SESTD1: variants seen among roughly 807,000 people sequenced by gnomAD.
The protein encoded by SESTD1 is SEC14 and spectrin domain containing 1.
SESTD1 carries 43 observed loss-of-function variants against 101.7 expected under a neutral mutation model. The ratio of observed to expected loss-of-function variants is 0.42; its 90% CI spans 0.33 to 0.55. The LOEUF (loss-of-function observed/expected upper bound fraction) is 0.55, where lower values mean the gene tolerates loss of function less well. Among genes scored for constraint, SESTD1 ranks in the 20% least tolerant of loss-of-function variants. SESTD1 has a pLI of 0.07. For missense variants in SESTD1, 647 were observed against 815.1 expected (o/e 0.79, Z 2.51); for synonymous variants, 283 against 286.8 (o/e 0.99, Z 0.13).
intron 9 of SESTD1, among the ~76,000 whole-genome samples, chr2:179,135,825 A>G (rs968468935): frequency 6.6e-6 from 1 of 152,220 alleles, no homozygotes; most frequent in African/African-American, 2.4e-5. Flanking sequence ...TTGTTGACTC[A>G]GTGGAACAGC....
chr2:179,166,522 T>C (rs560828180), intron 5 of SESTD1, among the ~76,000 whole-genome samples: 2 of 152,184 alleles, frequency 1.3e-5, no homozygotes, highest in South Asian at 2.1e-4. Context: ...CGAACTATCA[T>C]AGGTTCCCAA....
intron 1 of SESTD1, among the ~76,000 whole-genome samples, chr2:179,256,012 C>T (rs376167731): frequency 6.6e-6 from 1 of 151,624 alleles, no homozygotes; most frequent in East Asian, 1.9e-4. Flanking sequence ...TTAAGACCTG[C>T]TGCTCAGACA....
intron 2 of SESTD1, among the ~76,000 whole-genome samples, chr2:179,184,392 T>C (rs1483919535): frequency 1.3e-5 from 2 of 152,180 alleles, no homozygotes; most frequent in Admixed American, 6.6e-5. Context: ...ATGCAATTCA[T>C]AACATATGAA....
At chr2:179,167,655 AC>A (rs1435640122) in intron 5 of SESTD1, among the ~76,000 whole-genome samples, 48 of 152,330 alleles carry the variant, frequency 3.2e-4, no homozygotes, top group Non-Finnish European at 3.8e-4. Context: ...AAGGCAAATA[AC>A]ATACACAGAG....
At chr2:179,182,373 T>C (rs2046129258) in intron 3 of SESTD1, among the ~76,000 whole-genome samples, 1 of 152,132 alleles carries the variant, frequency 6.6e-6, no homozygotes, top group South Asian at 2.1e-4. Context: ...TTTTTAAAAA[T>C]TCTGATAAGC....
Position 179,215,024 on chromosome 2 carries a change from C to G in SESTD1, c.-25-23158G>C, listed in dbSNP as rs1232787533. Among the ~76,000 whole-genome samples the G allele has an allele frequency of 3.7e-5, 5 of 134,418 alleles. 1 individual carries two copies. The highest frequency in any genetic ancestry group is 8.0e-5 in the Non-Finnish European group (5 of 62,666). 88.2% of individuals were successfully genotyped at this position (134,418 alleles called of 152,430 possible). A position where few individuals can be genotyped will look rare whatever the true frequency, so the allele number is the denominator to read the frequency against. ...GGAAATTTATAGCACTAAATGCCCA[C>G]AAGAGAAAGCAGGAAAGATCCAAAA... On this transcript the variant is annotated intron_variant, in intron 1 of 17. Coordinates refer to ENST00000428443, the MANE Select transcript of SESTD1 (RefSeq NM_178123.5).
rs114935060 is a variant in SESTD1, at chr2:179,108,772, T to C, written c.*1127A>G. 1,801 of 152,192 alleles carry C rather than the reference T, an allele frequency of 0.012. 29 individuals carry two copies. The highest frequency in any genetic ancestry group is 0.038 in the African/African-American group (1,574 of 41,516). 9.4% of individuals were successfully genotyped at this position (152,192 alleles called of 1,614,324 possible). On this transcript the variant is annotated 3_prime_UTR_variant, in exon 18 of 18. Transcript: ENST00000428443. ...AATTTAAATTATATGCATTTTACCATTTAAACTTAATACAAACTTAAAAGA... is the reference window on the plus strand; with the variant it reads ...AATTTAAATTATATGCATTTTACCACTTAAACTTAATACAAACTTAAAAGA...
intron 10 of SESTD1, among the ~76,000 whole-genome samples, chr2:179,125,948 C>T (rs1223273598): frequency 1.3e-5 from 2 of 152,202 alleles, no homozygotes; most frequent in African/African-American, 4.8e-5. Context: ...AACCACTCCA[C>T]TTGTGCATTA....
At chr2:179,247,709 G>T (rs919201021) in intron 1 of SESTD1, among the ~76,000 whole-genome samples, 1 of 151,880 alleles carries the variant, frequency 6.6e-6, no homozygotes, top group Admixed American at 6.6e-5. Flanking sequence ...CAAAGGGCTA[G>T]GGTTATAGGC....
In SESTD1 at chr2:179,143,820, T is replaced by G; in HGVS notation, c.638-17A>C. 4.4e-6 allele frequency: 7 copies of G among 1,607,000 alleles called. No individual in the cohort carries two copies. The highest frequency in any genetic ancestry group is 5.9e-6 in the Non-Finnish European group (7 of 1,177,570). ...ATTCATGCCCTTTACAAATAAAAGA[T>G]ACTTGAAATTAATATCTGTAAAGAA... is the stretch of plus-strand genomic sequence containing the variant. On this transcript the variant is annotated splice_polypyrimidine_tract_variant and intron_variant, in intron 8 of 17. Coordinates refer to ENST00000428443, the MANE Select transcript of SESTD1 (RefSeq NM_178123.5).
chr2:179,195,569 T>C (rs2046378205), intron 1 of SESTD1, among the ~76,000 whole-genome samples: 1 of 152,216 alleles, frequency 6.6e-6, no homozygotes, highest in Non-Finnish European at 1.5e-5. Flanking sequence ...AGCCCACACT[T>C]ATTCAAACAA....
intron 9 of SESTD1, among the ~76,000 whole-genome samples, chr2:179,136,218 C>A (rs1255202502): frequency 6.6e-6 from 1 of 152,174 alleles, no homozygotes; most frequent in Non-Finnish European, 1.5e-5. Context: ...ACCTACAGTA[C>A]AGGGCTGTTG....
intron 1 of SESTD1, among the ~76,000 whole-genome samples, chr2:179,229,774 T>TATATATATATAC (rs1324308376): frequency 1.7e-5 from 2 of 115,042 alleles, no homozygotes; most frequent in African/African-American, 4.0e-5. Context: ...TATATATATA[T>TATATATATATAC]ACTCAAATAC....
intron 3 of SESTD1, among the ~76,000 whole-genome samples, chr2:179,180,659 A>G (rs777314042): frequency 3.9e-5 from 6 of 152,232 alleles, no homozygotes; most frequent in African/African-American, 7.2e-5. Context: ...GTGTCACCGT[A>G]TAATTCCTTC....
At position 179,121,811 on chromosome 2, in the gene SESTD1, G is replaced by A; in HGVS notation, c.1401C>T (p.His467=). 1 of 1,605,436 alleles carries A rather than the reference G, an allele frequency of 6.2e-7. No homozygotes were observed. The highest frequency in any genetic ancestry group is 8.5e-7 in the Non-Finnish European group (1 of 1,176,026). ...VTIENKENVD[H]IQGVMEDMQL... is the part of the protein sequence containing the mutation. ...GCATATCTTCCATCACTCCTTGTAT[G>A]TGGTCCACATTTTCTTTATTTTCAA... is the stretch of plus-strand genomic sequence containing the variant. The change falls in exon 13 of 18, where the codon CAC becomes CAT. Residue 467 remains histidine (H), a synonymous_variant. Coordinates refer to ENST00000428443, the MANE Select transcript of SESTD1 (RefSeq NM_178123.5).
In SESTD1 at chr2:179,212,213, G is replaced by A. The variant is rs566939204; in HGVS notation, c.-25-20347C>T. Reference sequence around the variant, plus strand: ...CGGGGAGTTGCTTCACCTAGGAAGCGCAAGGGGCCGGGGGATTTTCCTTTC... The same window carrying A: ...CGGGGAGTTGCTTCACCTAGGAAGCACAAGGGGCCGGGGGATTTTCCTTTC... On this transcript the variant is annotated intron_variant, in intron 1 of 17. Coordinates refer to ENST00000428443, the MANE Select transcript of SESTD1 (RefSeq NM_178123.5). 1.6e-4 allele frequency among the ~76,000 whole-genome samples: 21 copies of A among 134,448 alleles called. 6 individuals carry two copies. The South Asian group carries it at 2.0e-3, about 13-fold the overall frequency. 88.2% of individuals were successfully genotyped at this position (134,448 alleles called of 152,430 possible).
intron 13 of SESTD1, among the ~76,000 whole-genome samples, chr2:179,118,090 CCTCCCAAGT>C (rs2154393858): frequency 6.6e-6 from 1 of 151,164 alleles, no homozygotes; most frequent in African/African-American, 2.4e-5. Context: ...CACATCCCAG[CCTCCCAAGT>C]AGCTAAGACT....
intron 9 of SESTD1, among the ~76,000 whole-genome samples, chr2:179,134,875 C>A (rs1420288673): frequency 6.6e-6 from 1 of 152,114 alleles, no homozygotes; most frequent in African/African-American, 2.4e-5. Context: ...TCTGAAACAT[C>A]CACCAATTAA....
intron 5 of SESTD1, among the ~76,000 whole-genome samples, chr2:179,157,401 G>A (rs915602876): frequency 3.3e-5 from 5 of 152,034 alleles, no homozygotes; most frequent in African/African-American, 7.2e-5. Context: ...AAAAGAGCCC[G>A]TATAGCCAAA....
Sources: gnomAD v4.1 joint callset for allele counts (sites outside exome capture counted in the v4.1 genomes callset) on GRCh38, gnomAD v4.1.1 for gene constraint, MANE v1.5 for transcripts, NCBI Gene and HGNC (gene_info 2026-07-23, HGNC 2026-07-21) for gene names.